Variants in SMIM3 observed in about 807,000 individuals in gnomAD.
The protein encoded by SMIM3 is NGF-induced differentiation clone 67 protein.
In SMIM3, 4 loss-of-function variants were observed where a neutral mutation model predicts 2.1. The ratio of observed to expected loss-of-function variants is 1.89; its 90% CI spans 0.93 to 4.31. SMIM3 has a LOEUF of 4.31. SMIM3 is among the 30% of genes most tolerant of loss of function. The pLI, the probability that SMIM3 is intolerant of heterozygous loss-of-function variation, is 0.01. For synonymous variants in SMIM3, 29 were observed against 30.8 expected, an observed-to-expected ratio of 0.94 and a Z score of 0.19; for missense variants, 79 against 77.7, an observed-to-expected ratio of 1.02 and a Z score of -0.06.
chr5:150,794,494 G>A lies in SMIM3; in HGVS notation c.-11-936G>A, dbSNP rs149480772. On this transcript the variant is annotated intron_variant, in intron 1 of 1. Coordinates refer to ENST00000526627, the MANE Select transcript of SMIM3 (RefSeq NM_032947.5). Reference sequence around the variant, plus strand: ...ATGGAATACTACGTAGCCATAAAAAGGAATGAATTAACAGCATTTGCAGTG... The same window carrying A: ...ATGGAATACTACGTAGCCATAAAAAAGAATGAATTAACAGCATTTGCAGTG... Among the ~76,000 whole-genome samples the A allele has an allele frequency of 9.1e-3, 1,391 of 152,236 alleles. 24 individuals carry two copies. The highest frequency in any genetic ancestry group is 0.032 in the African/African-American group (1,317 of 41,540).
At chr5:150,790,281 C>A (rs76767593) in intron 1 of SMIM3, among the ~76,000 whole-genome samples, 14,266 of 152,126 alleles carry the variant, frequency 0.094, 996 homozygotes, top group East Asian at 0.41. Context: ...GTGATTACGT[C>A]TTCCTGGCAT....
Position 150,795,646 on chromosome 5 carries a change from G to A in SMIM3, c.*23G>A. On this transcript the variant is annotated 3_prime_UTR_variant, in exon 2 of 2. Transcript: ENST00000526627. ...TGAGAGCCTCCCAAGAGGGCCGGGTGAGGGATGAGGACAGGCATCCTATCC... is the reference window on the plus strand; with the variant it reads ...TGAGAGCCTCCCAAGAGGGCCGGGTAAGGGATGAGGACAGGCATCCTATCC... 6.5e-7 allele frequency: 1 copy of A among 1,537,150 alleles called. No homozygotes were observed.
At position 150,796,534 on chromosome 5, in the gene SMIM3, T is replaced by C. The variant is rs752974828; in HGVS notation, c.*911T>C. The C allele has an allele frequency of 3.3e-5, 5 of 152,358 alleles. No homozygotes were observed. The highest frequency in any genetic ancestry group is 5.9e-5 in the Non-Finnish European group (4 of 68,044). 9.4% of individuals were successfully genotyped at this position (152,358 alleles called of 1,614,324 possible). On this transcript the variant is annotated 3_prime_UTR_variant, in exon 2 of 2. Coordinates refer to ENST00000526627, the MANE Select transcript of SMIM3 (RefSeq NM_032947.5). The stretch of plus-strand genomic sequence containing the variant: ...CTAAAACAATGATGGTTATTTTAGA[T>C]GTGATGATTTATATTTATGTAGAGA...
At chr5:150,788,303 C>T (rs1408769711) in intron 1 of SMIM3, among the ~76,000 whole-genome samples, 2 of 152,022 alleles carry the variant, frequency 1.3e-5, no homozygotes, top group African/African-American at 2.4e-5. Context: ...CTTTGCCTGC[C>T]TAAACTGGAT....
chr5:150,780,922 C>T (rs145909979), intron 1 of SMIM3, among the ~76,000 whole-genome samples: 98 of 152,292 alleles, frequency 6.4e-4, no homozygotes, highest in Non-Finnish European at 5.1e-4. Flanking sequence ...TGTCCTCCCC[C>T]ACCCTGACTG....
At chr5:150,795,404 T>C in intron 1 of SMIM3, 26 bp from the exon 2 acceptor site, 1 of 1,612,422 alleles carries the variant, frequency 6.2e-7, no homozygotes, top group Non-Finnish European at 8.5e-7. Context: ...TACGCAACAG[T>C]GATCTTCCTT....
rs1753232699 is a variant in SMIM3, at chr5:150,781,541, G to A, written c.-12+2569G>A. Among the ~76,000 whole-genome samples the A allele has an allele frequency of 2.6e-5, 4 of 152,134 alleles. No individual in the cohort carries two copies. The South Asian group carries it at 6.2e-4, about 24-fold the overall frequency. On this transcript the variant is annotated intron_variant, in intron 1 of 1. Transcript: ENST00000526627. ...TAGAGCTTCCTTATTTTATTGATTT[G>A]CACTCTGATTGGCTGATTGGATATG... is the stretch of plus-strand genomic sequence containing the variant.
intron 1 of SMIM3, among the ~76,000 whole-genome samples, chr5:150,788,997 G>A (rs973378783): frequency 7.9e-5 from 12 of 152,278 alleles, no homozygotes; most frequent in African/African-American, 2.9e-4. Flanking sequence ...AGCAGATAAA[G>A]TATGCTGGTT....
chr5:150,792,868 G>A (rs1258080625), intron 1 of SMIM3, among the ~76,000 whole-genome samples: 1 of 152,196 alleles, frequency 6.6e-6, no homozygotes, highest in Non-Finnish European at 1.5e-5. Context: ...GTGGTTGCAT[G>A]GTATGGCAAG....
intron 1 of SMIM3, among the ~76,000 whole-genome samples, chr5:150,788,883 T>C (rs1285787879): frequency 6.6e-6 from 1 of 152,134 alleles, no homozygotes; most frequent in African/African-American, 2.4e-5. Flanking sequence ...TGTTTGGTGC[T>C]AGTGGCTTTT....
Position 150,783,458 on chromosome 5 carries a change from C to T in SMIM3, c.-12+4486C>T, listed in dbSNP as rs757032118. ...TTGAAGAGTCATGTATCTTTGGACGCCTCAGCATCAGTGACTTGGAGCTGG... is the reference window on the plus strand; with the variant it reads ...TTGAAGAGTCATGTATCTTTGGACGTCTCAGCATCAGTGACTTGGAGCTGG... On this transcript the variant is annotated intron_variant, in intron 1 of 1. Coordinates refer to ENST00000526627, the MANE Select transcript of SMIM3 (RefSeq NM_032947.5). Among the ~76,000 whole-genome samples, 29 of 152,224 alleles carry T rather than the reference C, an allele frequency of 1.9e-4. 1 individual carries two copies. The highest frequency in any genetic ancestry group is 1.9e-3 in the Admixed American group (29 of 15,286).
intron 1 of SMIM3, among the ~76,000 whole-genome samples, chr5:150,787,385 G>A (rs1054218982): frequency 6.6e-6 from 1 of 152,058 alleles, no homozygotes; most frequent in East Asian, 1.9e-4. Flanking sequence ...TACCAGAATC[G>A]GAAGTCCTGA....
intron 1 of SMIM3, among the ~76,000 whole-genome samples, chr5:150,781,279 T>G (rs1225520051): frequency 6.6e-6 from 1 of 152,212 alleles, no homozygotes; most frequent in Non-Finnish European, 1.5e-5. Context: ...AGAAGTTAAG[T>G]GAGAATTTGA....
At chr5:150,795,355 C>G in intron 1 of SMIM3, 75 bp from the exon 2 acceptor site, 1 of 1,503,130 alleles carries the variant, frequency 6.7e-7, no homozygotes. Flanking sequence ...GCTTCTGACT[C>G]CTGAGGGTTT....
chr5:150,786,983 C>T (rs1753299996), intron 1 of SMIM3, among the ~76,000 whole-genome samples: 1 of 152,206 alleles, frequency 6.6e-6, no homozygotes, highest in Admixed American at 6.5e-5. Flanking sequence ...GAGTTGTAGT[C>T]TCTGGGAGGA....
Position 150,795,465 on chromosome 5 carries a change from A to G in SMIM3, c.25A>G (p.Met9Val). 6.2e-7 allele frequency: 1 copy of G among 1,613,972 alleles called. No homozygotes were observed. The highest frequency in any genetic ancestry group is 8.5e-7 in the Non-Finnish European group (1 of 1,179,892). The stretch of plus-strand genomic sequence containing the variant: ...CATGGATGCAGTCAGCCAAGTCCCC[A>G]TGGAAGTCGTGCTTCCCAAGCACAT... Reference protein sequence around the residue: MDAVSQVPMEVVLPKHILD... With the variant: MDAVSQVPVEVVLPKHILD... Residue 9 changes from methionine to valine, a missense_variant, in exon 2 of 2, where the codon ATG becomes GTG. Coordinates refer to ENST00000526627, the MANE Select transcript of SMIM3 (RefSeq NM_032947.5).
intron 1 of SMIM3, among the ~76,000 whole-genome samples, chr5:150,789,599 G>T (rs144222964): frequency 6.6e-6 from 1 of 152,176 alleles, no homozygotes; most frequent in South Asian, 2.1e-4. Context: ...GTTCTGAGGA[G>T]CCCAGGGGGT....
chr5:150,783,226 C>T (rs1753254677), intron 1 of SMIM3, among the ~76,000 whole-genome samples: 1 of 152,192 alleles, frequency 6.6e-6, no homozygotes. Context: ...TTAGGTTCCC[C>T]AGGCTACAAA....
Position 150,778,946 on chromosome 5 carries a change from C to A in SMIM3, c.-38C>A, listed in dbSNP as rs1188876217. ...CACCGAGCCATCCCTGACCCAGGAA[C>A]TTTCCGCAGACTCGCCGCCATCTGG... On this transcript the variant is annotated 5_prime_UTR_variant, in exon 1 of 2. Transcript: ENST00000526627. 5.8e-6 allele frequency: 3 copies of A among 515,520 alleles called. No homozygotes were observed. Among genetic ancestry groups the A allele is most frequent in the Non-Finnish European group, 1.2e-5 (3 of 251,858 alleles). 31.9% of individuals were successfully genotyped at this position (515,520 alleles called of 1,614,324 possible).
Sources: allele counts gnomAD v4.1 joint callset (sites outside exome capture counted in the v4.1 genomes callset), GRCh38; gene constraint gnomAD v4.1.1; transcripts MANE v1.5; gene names NCBI Gene and HGNC (gene_info 2026-07-23, HGNC 2026-07-21).